The following TNRC6C variants were observed in gnomAD, a reference collection of about 807,000 sequenced individuals.
TNRC6C encodes the protein trinucleotide repeat containing adaptor 6C, also known as trinucleotide repeat-containing gene 6C protein.
Under a neutral mutation model 153.7 loss-of-function variants are expected in TNRC6C, and 20 were observed. The observed-to-expected ratio is 0.13, with a 90% CI of 0.09 to 0.19. The LOEUF is 0.19. TNRC6C is among the 10% of genes least tolerant of loss of function. The pLI is 1.00. For missense variants in TNRC6C, 1,987 were observed against 2,172.0 expected (o/e 0.91, Z 1.69); for synonymous variants, 811 against 841.4 (o/e 0.96, Z 0.63).
intron 3 of TNRC6C, 49 bp downstream of exon 5, chr17:78,051,497 A>AAC: frequency 7.5e-7 from 1 of 1,331,390 alleles, no homozygotes; most frequent in Non-Finnish European, 9.8e-7. Flanking sequence ...AAAAAAAAAA[A>AAC]AGCTTATTCT....
chr17:78,082,479 T>G (rs1015942657), intron 10 of TNRC6C, among the ~76,000 whole-genome samples: 2 of 152,242 alleles, frequency 1.3e-5, no homozygotes, highest in Middle Eastern at 3.4e-3. Context: ...AAGATACTAA[T>G]CAGTAGTAAT....
intron 13 of TNRC6C, among the ~76,000 whole-genome samples, chr17:78,088,625 T>TC (rs1491105757): frequency 6.6e-5 from 10 of 151,564 alleles, no homozygotes; most frequent in Admixed American, 2.6e-4. Context: ...CTTTTTTTTT[T>TC]CTCTCTCTTT....
chr17:78,050,074 G>A (rs781403556), exon 3 of TNRC6C: 12 of 1,610,196 alleles, frequency 7.5e-6, no homozygotes, highest in Admixed American at 3.4e-5. Flanking sequence ...CACCTCTAAC[G>A]GTGTGAATGG....
At chr17:78,054,995 C>A (rs920074468) in intron 3 of TNRC6C, among the ~76,000 whole-genome samples, 3 of 151,996 alleles carry the variant, frequency 2.0e-5, no homozygotes, top group African/African-American at 4.8e-5. Flanking sequence ...TACACCACTG[C>A]GGACTACTGT....
Position 78,093,856 on chromosome 17 carries a change from A to G in TNRC6C, c.4306+93A>G, listed in dbSNP as rs894360004. On this transcript the variant is annotated intron_variant, in intron 16 of 19. Transcript: ENST00000301624. ...TGACAGGTTGGGCTGTGAGGCAGGG[A>G]TGATACAAGGCACAGTTGGCGGGCA... 40 of 1,531,508 alleles carry G rather than the reference A, an allele frequency of 2.6e-5. No homozygotes were observed. In the African/African-American group the frequency reaches 4.2e-4, roughly 16 times the overall value. The allele number at this position is 1,531,508 out of a possible 1,614,324, so 94.9% of individuals were successfully genotyped here.
At chr17:78,073,212 C>A in intron 7 of TNRC6C, 118 bp downstream of exon 9, 4 of 795,526 alleles carry the variant, frequency 5.0e-6, no homozygotes, top group South Asian at 5.1e-5. Context: ...CAGGACCAGG[C>A]CACAGTGAAG....
chr17:78,017,607 C>G (rs1442611281), intron 1 of TNRC6C, among the ~76,000 whole-genome samples: 1 of 152,196 alleles, frequency 6.6e-6, no homozygotes, highest in Non-Finnish European at 1.5e-5. Context: ...CTGGAGGCTC[C>G]AGGCTTCTCC....
chr17:78,099,461 AG>A (rs1431355355), intron 17 of TNRC6C, among the ~76,000 whole-genome samples: 1 of 152,188 alleles, frequency 6.6e-6, no homozygotes, highest in African/African-American at 2.4e-5. Context: ...AGAAGGTGAA[AG>A]GCATGTCTCA....
chr17:77,960,989 A>T (rs755920960), intron 1 of TNRC6C, among the ~76,000 whole-genome samples: 2 of 152,062 alleles, frequency 1.3e-5, no homozygotes, highest in Non-Finnish European at 2.9e-5. Context: ...TCATGACCTG[A>T]CCATAGGCAT....
chr17:78,013,789 G>GCCACACA (rs1315202830), intron 1 of TNRC6C, among the ~76,000 whole-genome samples: 2 of 152,182 alleles, frequency 1.3e-5, no homozygotes, highest in Non-Finnish European at 2.9e-5. Context: ...TCTGTAAAGA[G>GCCACACA]CCTGTGGCCG....
chr17:78,092,782 C>G, intron 14 of TNRC6C, 151 bp from the exon 17 acceptor site: 2 of 601,814 alleles, frequency 3.3e-6, no homozygotes, highest in Non-Finnish European at 2.9e-6. Flanking sequence ...TTACAGAATC[C>G]TAGACAGACC....
At chr17:78,057,155 A>G (rs1006749572) in intron 3 of TNRC6C, among the ~76,000 whole-genome samples, 6 of 152,224 alleles carry the variant, frequency 3.9e-5, no homozygotes, top group African/African-American at 1.2e-4. Flanking sequence ...AGTTTAGTAT[A>G]TTGTACAACA....
At chr17:77,980,382 A>C (rs2071058282) in intron 1 of TNRC6C, among the ~76,000 whole-genome samples, 1 of 152,188 alleles carries the variant, frequency 6.6e-6, no homozygotes, top group African/African-American at 2.4e-5. Context: ...CTCACTCTAC[A>C]ACAGTGATCA....
intron 10 of TNRC6C, among the ~76,000 whole-genome samples, chr17:78,082,340 C>T (rs1466909442): frequency 1.3e-5 from 2 of 151,788 alleles, no homozygotes; most frequent in African/African-American, 2.4e-5. Flanking sequence ...TGAAGTAATT[C>T]TTTAACATAA....
Position 78,104,512 on chromosome 17 carries a change from G to T in TNRC6C, c.4740G>T (p.Leu1580=). 6.6e-7 allele frequency: 1 copy of T among 1,523,810 alleles called. No individual in the cohort carries two copies. The allele number at this position is 1,523,810 out of a possible 1,614,324, so 94.4% of individuals were successfully genotyped here. ...GCGTCCTGGGAAACACTACCATCCT[G>T]GCCGAGTTCGCTGGTGAAGAAGAAG... Residue 1580 remains leucine, a synonymous_variant, in exon 20 of 20, where the codon CTG becomes CTT. Transcript: ENST00000301624. The surrounding 1 kb of genome is among the most constrained non-coding windows in gnomAD (Gnocchi z 6.2).
At chr17:78,107,460 C>G (rs910012648) in exon 20 of TNRC6C, 1 of 152,080 alleles carries the variant, frequency 6.6e-6, no homozygotes, top group Non-Finnish European at 1.5e-5. Flanking sequence ...CTTGGCTGTT[C>G]AAAGTAATGT....
At chr17:77,968,540 C>T (rs1321624813) in intron 1 of TNRC6C, among the ~76,000 whole-genome samples, 1 of 151,426 alleles carries the variant, frequency 6.6e-6, no homozygotes, top group Non-Finnish European at 1.5e-5. Flanking sequence ...CAGGGTTTCA[C>T]CATGTTGGCC....
At chr17:78,017,205 C>T (rs766747080) in intron 1 of TNRC6C, among the ~76,000 whole-genome samples, 2 of 152,062 alleles carry the variant, frequency 1.3e-5, no homozygotes, top group Non-Finnish European at 2.9e-5. Context: ...GGTCTTTATG[C>T]CTTTTTAAAA....
At chr17:77,994,408 T>C (rs1232899511) in intron 1 of TNRC6C, among the ~76,000 whole-genome samples, 2 of 152,220 alleles carry the variant, frequency 1.3e-5, no homozygotes, top group African/African-American at 4.8e-5. Context: ...CCAGGTCTTG[T>C]ATGCTCACCT....
Sources: gnomAD v4.1 joint callset for allele counts (sites outside exome capture counted in the v4.1 genomes callset) on GRCh38, gnomAD v4.1.1 for gene constraint, Gnocchi (gnomAD v3.1) non-coding constraint, MANE v1.5 for transcripts, NCBI Gene and HGNC (gene_info 2026-07-23, HGNC 2026-07-21) for gene names.